The following CNTN5 variants were observed in gnomAD, a reference collection of about 807,000 sequenced individuals.
CNTN5 encodes the protein contactin-5.
CNTN5 carries 77 observed loss-of-function variants against 129.1 expected under a neutral mutation model. The ratio of observed to expected loss-of-function variants is 0.60; its 90% confidence interval spans 0.50 to 0.72. CNTN5 has a LOEUF of 0.72. CNTN5 is among the 30% of genes least tolerant of loss of function. The probability of loss-of-function intolerance (pLI) is 0.00; values close to 1 mark genes in which losing one functional copy is unlikely to be tolerated. For synonymous variants in CNTN5, 509 were observed against 465.6 expected (o/e 1.09, Z -1.20); for missense variants, 1,478 against 1,328.8 (o/e 1.11, Z -1.75).
At chr11:99,606,617 C>CA (rs1182767516) in intron 3 of CNTN5, among the ~76,000 whole-genome samples, 3 of 136,750 alleles carry the variant, frequency 2.2e-5, no homozygotes, top group Non-Finnish European at 4.8e-5. Context: ...CATATGGAAC[C>CA]AAAAAAGAGC....
At position 100,090,395 on chromosome 11, in the gene CNTN5, G is replaced by A. The variant is rs545584104; in HGVS notation, c.1580+16101G>A. Among the ~76,000 whole-genome samples, 231 of 151,690 alleles carry A rather than the reference G, an allele frequency of 1.5e-3. 2 individuals carry two copies. Among genetic ancestry groups the A allele is most frequent in the African/African-American group, 5.3e-3 (219 of 41,370 alleles). On this transcript the variant is annotated intron_variant, in intron 13 of 24. Transcript: ENST00000524871. ...AATTTGTTATTTTCTTTTTCCCTCTGTCCCTCTTTCTTTTTCTTTTCTTTT... is the reference window on the plus strand; with the variant it reads ...AATTTGTTATTTTCTTTTTCCCTCTATCCCTCTTTCTTTTTCTTTTCTTTT...
intron 3 of CNTN5, among the ~76,000 whole-genome samples, chr11:99,798,202 A>G (rs1946007730): frequency 6.6e-6 from 1 of 151,952 alleles, no homozygotes; most frequent in Non-Finnish European, 1.5e-5. Flanking sequence ...AAGTTAGAAG[A>G]TGCGGCATTT....
At chr11:100,171,903 T>C (rs71474550) in intron 13 of CNTN5, among the ~76,000 whole-genome samples, 29 of 152,164 alleles carry the variant, frequency 1.9e-4, no homozygotes, top group Non-Finnish European at 3.5e-4. Flanking sequence ...TTGGTTTATA[T>C]CTAGCTATAA....
At chr11:100,184,630 C>A (rs1187695860) in intron 13 of CNTN5, among the ~76,000 whole-genome samples, 1 of 152,118 alleles carries the variant, frequency 6.6e-6, no homozygotes, top group Non-Finnish European at 1.5e-5. Context: ...TGGCCAACAC[C>A]TTTTGAGACT....
At chr11:100,060,543 C>T (rs921383380) in intron 9 of CNTN5, among the ~76,000 whole-genome samples, 1 of 151,968 alleles carries the variant, frequency 6.6e-6, no homozygotes, top group Non-Finnish European at 1.5e-5. Context: ...TTACTTAATT[C>T]CTAACCCTTT....
At chr11:99,088,669 T>G (rs929732413) in intron 1 of CNTN5, among the ~76,000 whole-genome samples, 4 of 152,158 alleles carry the variant, frequency 2.6e-5, no homozygotes, top group Non-Finnish European at 5.9e-5. Context: ...ATGTAAGACC[T>G]GTACATTATA....
At chr11:99,809,448 AATC>A (rs1946367200) in intron 3 of CNTN5, among the ~76,000 whole-genome samples, 1 of 152,296 alleles carries the variant, frequency 6.6e-6, no homozygotes. Context: ...GATATATAAT[AATC>A]ATTTCACGTT....
intron 13 of CNTN5, among the ~76,000 whole-genome samples, chr11:100,115,167 G>A (rs1945802041): frequency 2.1e-5 from 3 of 144,244 alleles, no homozygotes. Flanking sequence ...TCTGATTAAT[G>A]TGGCATAAAC....
At chr11:99,779,030 C>T (rs1945222073) in intron 3 of CNTN5, among the ~76,000 whole-genome samples, 1 of 151,768 alleles carries the variant, frequency 6.6e-6, no homozygotes, top group East Asian at 2.0e-4. Flanking sequence ...TATACCTCAT[C>T]AGAAAATTTT....
chr11:99,882,134 TAA>T lies in CNTN5; in HGVS notation c.578-33918_578-33917del, dbSNP rs565713462. ...GTGAAGCTAAAAGGCAAAATGCTAA[TAA>T]AGTCTTCTGCTGAAAATAAGTTTAA... On this transcript the variant is annotated intron_variant, in intron 6 of 24. Coordinates refer to ENST00000524871, the MANE Select transcript of CNTN5 (RefSeq NM_014361.4). Among the ~76,000 whole-genome samples the T allele has an allele frequency of 2.0e-5, 3 of 152,334 alleles. No individual in the cohort carries two copies. In the South Asian group the frequency reaches 6.2e-4, roughly 32 times the overall value.
intron 15 of CNTN5, among the ~76,000 whole-genome samples, chr11:100,214,967 G>A (rs1949108508): frequency 6.6e-6 from 1 of 152,100 alleles, no homozygotes; most frequent in Non-Finnish European, 1.5e-5. Context: ...ATGGCTCAGG[G>A]GGTGCTATAT....
intron 2 of CNTN5, among the ~76,000 whole-genome samples, chr11:99,501,206 G>A (rs183748000): frequency 6.6e-6 from 1 of 152,270 alleles, no homozygotes; most frequent in African/African-American, 2.4e-5. Context: ...ATAGAATTGA[G>A]TTGAATCTAC....
intron 15 of CNTN5, among the ~76,000 whole-genome samples, chr11:100,199,801 TTGA>T (rs1565337065): frequency 1.3e-5 from 2 of 151,990 alleles, no homozygotes; most frequent in Non-Finnish European, 2.9e-5. Flanking sequence ...ATTTCATGTA[TTGA>T]TGATAAACTG....
At chr11:99,756,816 T>G (rs1944417727) in intron 3 of CNTN5, among the ~76,000 whole-genome samples, 1 of 151,942 alleles carries the variant, frequency 6.6e-6, no homozygotes, top group Non-Finnish European at 1.5e-5. Flanking sequence ...AATAAGAGAT[T>G]TGGAATTATT....
At chr11:99,495,991 A>C (rs373064439) in intron 2 of CNTN5, among the ~76,000 whole-genome samples, 24 of 152,306 alleles carry the variant, frequency 1.6e-4, no homozygotes, top group African/African-American at 5.8e-4. Flanking sequence ...AAAGAAGAGC[A>C]ATGTGGGAAA....
At chr11:99,682,883 A>G (rs1440647864) in intron 3 of CNTN5, among the ~76,000 whole-genome samples, 1 of 151,998 alleles carries the variant, frequency 6.6e-6, no homozygotes, top group Admixed American at 6.6e-5. Flanking sequence ...CATAAGTTAC[A>G]TAAAACATTA....
intron 6 of CNTN5, among the ~76,000 whole-genome samples, chr11:99,845,812 A>G (rs1947675079): frequency 6.6e-6 from 1 of 151,978 alleles, no homozygotes; most frequent in South Asian, 2.1e-4. Context: ...GAAACCCACC[A>G]CTTTTTATGT....
chr11:99,180,320 G>A (rs368716199), intron 1 of CNTN5, among the ~76,000 whole-genome samples: 168 of 152,256 alleles, frequency 1.1e-3, no homozygotes, highest in African/African-American at 3.9e-3. Flanking sequence ...CACCAGACTG[G>A]GAAGCAACAG....
At chr11:100,179,522 G>A (rs1948073302) in intron 13 of CNTN5, among the ~76,000 whole-genome samples, 1 of 152,018 alleles carries the variant, frequency 6.6e-6, no homozygotes. Flanking sequence ...GATAAAAATA[G>A]CCAAATAATG....
Sources: gnomAD v4.1 joint callset for allele counts (sites outside exome capture counted in the v4.1 genomes callset) on GRCh38, gnomAD v4.1.1 for gene constraint, MANE v1.5 for transcripts, NCBI Gene and HGNC (gene_info 2026-07-23, HGNC 2026-07-21) for gene names.